ADCY9: variants seen among roughly 807,000 people sequenced by gnomAD.
The protein encoded by ADCY9 is adenylate cyclase type 9.
Under a neutral mutation model 101.5 loss-of-function variants are expected in ADCY9, and 50 were observed. The observed-to-expected ratio is 0.49, with a 90% CI of 0.39 to 0.62. The LOEUF (loss-of-function observed/expected upper bound fraction) is 0.62. Ranked by LOEUF, ADCY9 falls within the 20% of genes least tolerant of loss-of-function variation. The pLI is 0.00. For missense variants in ADCY9, 1,662 were observed against 1,800.4 expected (o/e 0.92, Z 1.39); for synonymous variants, 905 against 769.3 (o/e 1.18, Z -2.92).
chr16:4,075,471 C>A (rs2056861088), intron 2 of ADCY9, among the ~76,000 whole-genome samples: 1 of 152,110 alleles, frequency 6.6e-6, no homozygotes, highest in Non-Finnish European at 1.5e-5. Flanking sequence ...CTAAATTAAC[C>A]ACTAAATTAA....
chr16:4,061,312 A>C (rs971475305), intron 2 of ADCY9, among the ~76,000 whole-genome samples: 1 of 152,218 alleles, frequency 6.6e-6, no homozygotes, highest in African/African-American at 2.4e-5. Flanking sequence ...CTAATGGCAT[A>C]AACTTCTCAC....
chr16:4,111,638 A>G (rs1175060978), intron 2 of ADCY9, among the ~76,000 whole-genome samples: 1 of 152,218 alleles, frequency 6.6e-6, no homozygotes, highest in African/African-American at 2.4e-5. Flanking sequence ...AATGAGCTCA[A>G]GAAAACAAAA....
At chr16:3,954,312 T>A (rs2055896348) in intron 5 of ADCY9, among the ~76,000 whole-genome samples, 1 of 152,180 alleles carries the variant, frequency 6.6e-6, no homozygotes, top group Admixed American at 6.5e-5. Context: ...TGTCCTCTGC[T>A]CTGTCCCTGC....
Position 4,114,815 on chromosome 16 carries a change from T to G in ADCY9, c.628A>C (p.Thr210Pro), listed in dbSNP as rs771254861. The G allele has an allele frequency of 6.2e-7, 1 of 1,613,370 alleles. No individual in the cohort carries two copies. Among genetic ancestry groups the G allele is most frequent in the African/African-American group, 1.3e-5 (1 of 75,054 alleles). ...AAGCAAGTATCTGTGGGCCGGGCTG[T>G]GGCCGTAAGGTTGGAGCTGTCGCCG... ...GRGDSSNLTA[T>P]ARPTDTCLSQ... The change falls in exon 2 of 11, where the codon ACA becomes CCA. Residue 210 changes from threonine to proline, a missense_variant. Thr to Pro is a conservative substitution (Grantham distance 38, BLOSUM62 -1). Around this residue, in one of 5 missense-constraint regions of ADCY9, gnomAD observed 422 missense variants for 392.0 expected, o/e 1.08. Transcript: ENST00000294016. This position sits in a 1 kb window ranked among gnomAD's most constrained non-coding sequence, Gnocchi z 4.3.
chr16:4,078,914 G>A (rs1394877414), intron 2 of ADCY9, among the ~76,000 whole-genome samples: 1 of 152,180 alleles, frequency 6.6e-6, no homozygotes, highest in Non-Finnish European at 1.5e-5. Flanking sequence ...ATGAAAAAGA[G>A]ATTTGGCCCC....
At chr16:4,054,717 C>A (rs1397211367) in intron 2 of ADCY9, among the ~76,000 whole-genome samples, 1 of 151,952 alleles carries the variant, frequency 6.6e-6, no homozygotes, top group Non-Finnish European at 1.5e-5. Context: ...ACTACAGGTG[C>A]CCGCCACCAT....
chr16:4,064,990 T>G (rs1007108151), intron 2 of ADCY9, among the ~76,000 whole-genome samples: 1 of 151,780 alleles, frequency 6.6e-6, no homozygotes, highest in Non-Finnish European at 1.5e-5. Flanking sequence ...ATACACAGAG[T>G]GACAGAGGGA....
chr16:3,991,326 C>T (rs575155944), intron 5 of ADCY9, among the ~76,000 whole-genome samples: 1 of 152,306 alleles, frequency 6.6e-6, no homozygotes, highest in Non-Finnish European at 1.5e-5. Context: ...AACAGACGGG[C>T]ACTGCGTGTC....
At chr16:3,970,524 C>T (rs2056041630) in intron 10 of ADCY9, among the ~76,000 whole-genome samples, 1 of 152,264 alleles carries the variant, frequency 6.6e-6, no homozygotes, top group African/African-American at 2.4e-5. Flanking sequence ...GACAGGGTTT[C>T]ACCATGTTGA....
intron 2 of ADCY9, among the ~76,000 whole-genome samples, chr16:4,031,090 T>C (rs1010366921): frequency 6.6e-6 from 1 of 152,220 alleles, no homozygotes; most frequent in African/African-American, 2.4e-5. Context: ...TCATCCCTGA[T>C]TGGATCCTGG....
At chr16:4,026,870 T>A (rs1278358442) in intron 2 of ADCY9, among the ~76,000 whole-genome samples, 2 of 152,220 alleles carry the variant, frequency 1.3e-5, no homozygotes, top group Non-Finnish European at 2.9e-5. Flanking sequence ...TCACCCTGAC[T>A]TTTTAGAACT....
chr16:3,990,687 G>C (rs1281786234), intron 5 of ADCY9, among the ~76,000 whole-genome samples: 2 of 152,224 alleles, frequency 1.3e-5, no homozygotes, highest in Non-Finnish European at 2.9e-5. Flanking sequence ...GACTCAGGGA[G>C]TGTGGACTGA....
Position 3,977,487 on chromosome 16 carries a change from T to C in ADCY9, c.2823A>G (p.Pro941=). The change falls in exon 9 of 11, where the codon CCA becomes CCG. Residue 941 remains proline (P), a synonymous_variant. Coordinates refer to ENST00000294016, the MANE Select transcript of ADCY9 (RefSeq NM_001116.4). ...AAGCAGTGCTGGCCGCGTACCTGTC[T>C]GGGCACAGGGAGACGTAGAGCAGGA... is the stretch of plus-strand genomic sequence containing the variant. The part of the protein sequence containing the change: ...PLLLLYVSLC[P]DSSVLTSPLD... 1 of 1,563,910 alleles carries C rather than the reference T, an allele frequency of 6.4e-7. No homozygotes were observed. The highest frequency in any genetic ancestry group is 8.7e-7 in the Non-Finnish European group (1 of 1,154,462).
rs145689836 is a variant in ADCY9 at position 3,957,151 on chromosome 16, C to T, written c.568-3635G>A. ...AAAAGGAGGAGGAAGGAAAAGAAAC[C>T]GTTTGGCTGTAATACCGCGCTCTGT... On this transcript the variant is annotated intron_variant, in intron 5 of 5. Coordinates refer to the ADCY9 transcript ENST00000576936. Among the ~76,000 whole-genome samples, 804 of 152,276 alleles carry T rather than the reference C, an allele frequency of 5.3e-3. 6 individuals carry two copies. Among genetic ancestry groups the T allele is most frequent in the Middle Eastern group, 0.024 (7 of 294 alleles).
chr16:4,035,291 T>C (rs1180356093), intron 2 of ADCY9, among the ~76,000 whole-genome samples: 1 of 152,060 alleles, frequency 6.6e-6, no homozygotes, highest in Non-Finnish European at 1.5e-5. Flanking sequence ...GCTAAGTAGA[T>C]ATATATTTAC....
At position 3,965,977 on chromosome 16, in the gene ADCY9, T is replaced by C. The variant is rs943523654; in HGVS notation, c.3860A>G (p.Tyr1287Cys). ...AGAACCCAGAGATGTCTTGTCCACA[T>C]ACTGGACAGAAGGCACCAGGTTGGC... Reference protein sequence around the residue: ...EIANLVPSVQYVDKTSLGSDS... With the variant: ...EIANLVPSVQCVDKTSLGSDS... The change falls in exon 11 of 11, where the codon TAT (tyrosine) becomes TGT (cysteine). Residue 1287 changes from tyrosine (Y) to cysteine (C), a missense_variant. Physicochemically the swap from Tyr to Cys is radical, Grantham distance 194 (BLOSUM62 -2). Transcript: ENST00000294016. 1.9e-6 allele frequency: 3 copies of C among 1,614,186 alleles called. No homozygotes were observed. Among genetic ancestry groups the C allele is most frequent in the Non-Finnish European group, 2.5e-6 (3 of 1,180,034 alleles).
intron 2 of ADCY9, among the ~76,000 whole-genome samples, chr16:4,031,846 C>T (rs2056557400): frequency 6.6e-6 from 1 of 151,880 alleles, no homozygotes; most frequent in African/African-American, 2.4e-5. Context: ...CACTACACTC[C>T]AGCCTGAGTG....
chr16:4,015,199 C>T (rs968445934), intron 2 of ADCY9, among the ~76,000 whole-genome samples: 3 of 151,976 alleles, frequency 2.0e-5, no homozygotes, highest in African/African-American at 7.3e-5. Context: ...CCTCAGCCTC[C>T]CAAAGTGCTG....
chr16:4,092,059 A>C (rs776643905), intron 2 of ADCY9, among the ~76,000 whole-genome samples: 1 of 152,266 alleles, frequency 6.6e-6, no homozygotes, highest in Non-Finnish European at 1.5e-5. Context: ...ATCTGAAGCC[A>C]GGAGTACAAG....
Sources: allele counts gnomAD v4.1 joint callset (sites outside exome capture counted in the v4.1 genomes callset), GRCh38; gene constraint gnomAD v4.1.1; regional missense constraint gnomAD v4.1.1; non-coding constraint Gnocchi (gnomAD v3.1); transcripts MANE v1.5; gene names NCBI Gene and HGNC (gene_info 2026-07-23, HGNC 2026-07-21).